Variants in SEZ6L observed in about 807,000 individuals in gnomAD.
SEZ6L encodes seizure related 6 homolog like, also known as seizure 6-like protein.
Under a neutral mutation model 106.2 loss-of-function variants are expected in SEZ6L, and 37 were observed. The observed-to-expected ratio is 0.35, with a 90% CI of 0.27 to 0.46. SEZ6L has a LOEUF of 0.46. Among genes scored for constraint, SEZ6L ranks in the 20% least tolerant of loss-of-function variants. The probability of loss-of-function intolerance (pLI) is 1.00; values close to 1 mark genes in which losing one functional copy is unlikely to be tolerated. For missense variants in SEZ6L, 1,172 were observed against 1,332.8 expected (o/e 0.88, Z 1.88); for synonymous variants, 541 against 570.4 (o/e 0.95, Z 0.73).
intron 13 of SEZ6L, among the ~76,000 whole-genome samples, chr22:26,372,068 C>T (rs775326169): frequency 1.9e-4 from 29 of 152,194 alleles, no homozygotes; most frequent in Non-Finnish European, 4.0e-4. Context: ...TGAGTGAGCC[C>T]CCCTCCCTCT....
chr22:26,342,461 G>C (rs143557022), intron 10 of SEZ6L, among the ~76,000 whole-genome samples: 8 of 151,846 alleles, frequency 5.3e-5, no homozygotes, highest in Non-Finnish European at 1.0e-4. Flanking sequence ...AGGCTGAGGC[G>C]GGCAGATTAC....
chr22:26,350,318 G>A (rs1601584739), intron 11 of SEZ6L, among the ~76,000 whole-genome samples: 1 of 150,388 alleles, frequency 6.6e-6, no homozygotes, highest in Non-Finnish European at 1.5e-5. Flanking sequence ...GCCTTGACCT[G>A]CCAGGCTTAA....
intron 11 of SEZ6L, among the ~76,000 whole-genome samples, chr22:26,348,565 G>GAAA (rs2083094288): frequency 1.4e-4 from 5 of 34,720 alleles, no homozygotes; most frequent in Admixed American, 7.0e-4. Flanking sequence ...AAGGAAGGGA[G>GAAA]GAAAGAAAGA....
At chr22:26,341,777 C>T (rs2082844873) in intron 10 of SEZ6L, among the ~76,000 whole-genome samples, 1 of 152,298 alleles carries the variant, frequency 6.6e-6, no homozygotes, top group African/African-American at 2.4e-5. Flanking sequence ...CTTCCTTGCC[C>T]CCATATCCAA....
At chr22:26,379,686 G>A (rs951128236) in intron 16 of SEZ6L, among the ~76,000 whole-genome samples, 3 of 152,196 alleles carry the variant, frequency 2.0e-5, no homozygotes, top group African/African-American at 7.2e-5. Context: ...GTAGATCAGG[G>A]CATATGTTAT....
intron 1 of SEZ6L, among the ~76,000 whole-genome samples, chr22:26,268,088 G>T (rs180981852): frequency 6.6e-6 from 1 of 152,160 alleles, no homozygotes; most frequent in African/African-American, 2.4e-5. Context: ...GTGGCAAATA[G>T]CCCAGGCCAT....
At chr22:26,235,003 G>T (rs928632188) in intron 1 of SEZ6L, among the ~76,000 whole-genome samples, 1 of 152,178 alleles carries the variant, frequency 6.6e-6, no homozygotes, top group Non-Finnish European at 1.5e-5. Flanking sequence ...CTGTTTCCTA[G>T]TGCTTTCTCG....
At chr22:26,190,753 G>A (rs978783057) in intron 1 of SEZ6L, among the ~76,000 whole-genome samples, 5 of 152,186 alleles carry the variant, frequency 3.3e-5, no homozygotes, top group Non-Finnish European at 5.9e-5. Context: ...AATGTCAGGA[G>A]ATGTTCGCCA....
intron 1 of SEZ6L, among the ~76,000 whole-genome samples, chr22:26,253,416 T>C (rs1032623344): frequency 1.3e-5 from 2 of 150,130 alleles, no homozygotes; most frequent in African/African-American, 4.9e-5. Context: ...CCTAGACCCT[T>C]ATTTAGGCTG....
At chr22:26,243,526 C>A (rs542785313) in intron 1 of SEZ6L, among the ~76,000 whole-genome samples, 1 of 152,258 alleles carries the variant, frequency 6.6e-6, no homozygotes, top group South Asian at 2.1e-4. Flanking sequence ...AGCAAAAAGT[C>A]CAGGGTGCTG....
At chr22:26,233,740 A>G (rs558184091) in intron 1 of SEZ6L, among the ~76,000 whole-genome samples, 2 of 152,314 alleles carry the variant, frequency 1.3e-5, no homozygotes, top group Non-Finnish European at 2.9e-5. Flanking sequence ...CAAATAAGCA[A>G]GGTAATTTGA....
At chr22:26,198,258 G>A (rs1940705811) in intron 1 of SEZ6L, among the ~76,000 whole-genome samples, 1 of 152,210 alleles carries the variant, frequency 6.6e-6, no homozygotes. Flanking sequence ...TGACAATGAG[G>A]CTAGTCTTAA....
rs370925519 is a variant in SEZ6L, at chr22:26,278,784, G to T, written c.95-13622G>T. ...GGGAAAGAAAGAAGGAAAGAAGGAAGGAAGGAAGGGAGGGAGGAAGGAAGG... is the reference window on the plus strand; with the variant it reads ...GGGAAAGAAAGAAGGAAAGAAGGAATGAAGGAAGGGAGGGAGGAAGGAAGG... On this transcript the variant is annotated intron_variant, in intron 1 of 16. Transcript: ENST00000248933. 5.4e-5 allele frequency among the ~76,000 whole-genome samples: 8 copies of T among 148,568 alleles called. No homozygotes were observed. In the East Asian group the frequency reaches 9.8e-4, roughly 18 times the overall value.
chr22:26,329,050 T>C (rs2082402860), intron 9 of SEZ6L, among the ~76,000 whole-genome samples: 2 of 152,092 alleles, frequency 1.3e-5, no homozygotes, highest in Admixed American at 1.3e-4. Context: ...GCGGCCAGGA[T>C]TGAGAACCAC....
chr22:26,294,570 T>C (rs1214986237), intron 3 of SEZ6L, 145 bp downstream of exon 3: 1 of 708,260 alleles, frequency 1.4e-6, no homozygotes, highest in Non-Finnish European at 2.3e-6. Context: ...TTTTGGCGAA[T>C]GAGTAGGAGT....
chr22:26,276,920 C>T (rs1211801216), intron 1 of SEZ6L, among the ~76,000 whole-genome samples: 1 of 152,178 alleles, frequency 6.6e-6, no homozygotes, highest in Non-Finnish European at 1.5e-5. Context: ...ACTCTCTGGG[C>T]TCATTCACGA....
Position 26,354,701 on chromosome 22 carries a change from A to G in SEZ6L, c.2599+3458A>G, listed in dbSNP as rs189833878. Among the ~76,000 whole-genome samples the G allele has an allele frequency of 2.8e-4, 42 of 152,358 alleles. 1 individual carries two copies. The highest frequency in any genetic ancestry group is 9.6e-4 in the African/African-American group (40 of 41,590). On this transcript the variant is annotated intron_variant, in intron 12 of 16. Coordinates refer to ENST00000248933, the MANE Select transcript of SEZ6L (RefSeq NM_021115.5). ...TTAAAAAAGAAAAAGCACTTCACCAATGAGACCCAGTCTCTAAAGACCCTC... is the reference window on the plus strand; with the variant it reads ...TTAAAAAAGAAAAAGCACTTCACCAGTGAGACCCAGTCTCTAAAGACCCTC...
chr22:26,376,558 G>C (rs575994804), intron 15 of SEZ6L, among the ~76,000 whole-genome samples: 1 of 152,014 alleles, frequency 6.6e-6, no homozygotes, highest in Admixed American at 6.6e-5. Flanking sequence ...CCTGGCCAAC[G>C]TGGTGGAACC....
At chr22:26,342,972 C>T (rs1686674196) in intron 10 of SEZ6L, among the ~76,000 whole-genome samples, 2 of 152,182 alleles carry the variant, frequency 1.3e-5, no homozygotes, top group African/African-American at 4.8e-5. Context: ...ACATGTCCAC[C>T]TCTCAGAGAG....
Sources: gnomAD v4.1 joint callset for allele counts (sites outside exome capture counted in the v4.1 genomes callset) on GRCh38, gnomAD v4.1.1 for gene constraint, MANE v1.5 for transcripts, NCBI Gene and HGNC (gene_info 2026-07-23, HGNC 2026-07-21) for gene names.